The following HSF1 variants were observed in gnomAD, a reference collection of about 807,000 sequenced individuals.
The protein encoded by HSF1 is heat shock transcription factor 1.
A neutral mutation model predicts 51.7 loss-of-function variants in HSF1; 32 were observed. The observed-to-expected ratio is 0.62, with a 90% CI of 0.47 to 0.83. The LOEUF (loss-of-function observed/expected upper bound fraction) is 0.83, where lower values mean the gene tolerates loss of function less well. HSF1 is among the 40% of genes least tolerant of loss of function. The probability of loss-of-function intolerance (pLI) is 0.00; values close to 1 mark genes in which losing one functional copy is unlikely to be tolerated. For missense variants in HSF1, 727 were observed against 717.0 expected (o/e 1.01, Z -0.16); for synonymous variants, 396 against 309.7 (o/e 1.28, Z -2.92).
At chr8:144,312,691 G>T (rs781914440) in intron 9 of HSF1, 2 of 1,535,314 alleles carry the variant, frequency 1.3e-6, no homozygotes, top group African/African-American at 1.4e-5. Flanking sequence ...CTTCCTCTCC[G>T]CATGGCCAAG....
At chr8:144,298,343 TC>T (rs1253056372) in intron 1 of HSF1, among the ~76,000 whole-genome samples, 1 of 151,692 alleles carries the variant, frequency 6.6e-6, no homozygotes, top group African/African-American at 2.4e-5. Context: ...ACGGCTGTAA[TC>T]CCAGCACTTC....
chr8:144,313,713 C>G (rs1816934591), intron 10 of HSF1, 97 bp downstream of exon 10: 1 of 96,306 alleles, frequency 1.0e-5, no homozygotes, highest in Admixed American at 1.3e-4. Context: ...CGCCGCCGCC[C>G]CGCCTCCCCG....
chr8:144,300,579 C>T (rs1162609676), intron 1 of HSF1, among the ~76,000 whole-genome samples: 2 of 152,054 alleles, frequency 1.3e-5, no homozygotes, highest in African/African-American at 2.4e-5. Context: ...CAAAAACATA[C>T]GTAACCCCAG....
Position 144,311,177 on chromosome 8 carries a change from G to C in HSF1, c.492G>C (p.Glu164Asp). 1.9e-6 allele frequency: 3 copies of C among 1,601,864 alleles called. No homozygotes were observed. The highest frequency in any genetic ancestry group is 1.7e-6 in the Non-Finnish European group (2 of 1,174,666). ...MDSKLLAMKH[E>D]NEALWREVAS... ...GACCCAGCCTGGTCTGTTGCAGTGA[G>C]AATGAGGCTCTGTGGCGGGAGGTGG... The change falls in exon 5 of 13, where the codon GAG becomes GAC. Residue 164 changes from glutamate (E) to aspartate (D), a missense_variant. Glu to Asp is a conservative substitution (Grantham distance 45, BLOSUM62 2). Transcript: ENST00000528838.
At chr8:144,309,173 C>T (rs1816429264) in intron 2 of HSF1, 159 bp downstream of exon 2, 2 of 686,704 alleles carry the variant, frequency 2.9e-6, no homozygotes, top group African/African-American at 3.6e-5. Context: ...GCAGCCGCCT[C>T]TTCCATGGGG....
chr8:144,291,790 GC>G lies in HSF1; in HGVS notation c.36del (p.Ser13AlafsTer7). 6.5e-7 allele frequency: 1 copy of G among 1,542,956 alleles called. No homozygotes were observed. The highest frequency in any genetic ancestry group is 8.7e-7 in the Non-Finnish European group (1 of 1,149,810). On this transcript the variant is annotated frameshift_variant, in exon 1 of 13. Transcript: ENST00000528838. LOFTEE classifies it high-confidence loss of function. The surrounding 1 kb of genome is among the most constrained non-coding windows in gnomAD (Gnocchi z 4.1). Reference protein sequence around the residue: ...DLPVGPGAAGPSNVPAFLTKL... With the variant: ...DLPVGPGAAGXSNVPAFLTKL... ...TGCCCGTGGGCCCCGGCGCGGCGGG[GC>G]CCAGCAACGTCCCGGCCTTCCTGAC...
At chr8:144,313,359 C>T (rs1406112337) in intron 9 of HSF1, 152 bp from the exon 10 acceptor site, 38 of 593,322 alleles carry the variant, frequency 6.4e-5, no homozygotes, top group Middle Eastern at 6.3e-4. Context: ...CCTTCCAGGC[C>T]GTCCTCGAAT....
At chr8:144,307,923 C>T (rs1482794982) in intron 1 of HSF1, among the ~76,000 whole-genome samples, 1 of 152,220 alleles carries the variant, frequency 6.6e-6, no homozygotes, top group Non-Finnish European at 1.5e-5. Flanking sequence ...CGCTTTTCGC[C>T]GTCTCTCTCC....
At chr8:144,300,844 C>T (rs374324309) in intron 1 of HSF1, among the ~76,000 whole-genome samples, 8 of 151,716 alleles carry the variant, frequency 5.3e-5, no homozygotes, top group South Asian at 2.1e-4. Flanking sequence ...GTTCTTGAGA[C>T]AACTGTACCA....
Position 144,313,626 on chromosome 8 carries a change from GCCCCGCCGCCCCGCC to G in HSF1, c.1248+11_1248+25del. ...CAGTGCCCTGCTGGACGTGAGTGGA[GCCCCGCCGCCCCGCC>G]TCCCCGCCCCGCCTCCCCGCCGCGC... On this transcript the variant is annotated intron_variant, in intron 10 of 12. Transcript: ENST00000528838. 2.4e-6 allele frequency: 3 copies of G among 1,253,498 alleles called. No homozygotes were observed. Among genetic ancestry groups the G allele is most frequent in the Non-Finnish European group, 3.3e-6 (3 of 921,490 alleles). 77.6% of individuals were successfully genotyped at this position (1,253,498 alleles called of 1,614,324 possible).
rs567720429 is a variant in HSF1 at position 144,301,633 on chromosome 8, A to G, written c.118-7273A>G. Among the ~76,000 whole-genome samples the G allele has an allele frequency of 6.0e-3, 914 of 151,450 alleles. 6 individuals are homozygous for G. The highest frequency in any genetic ancestry group is 0.02 in the African/African-American group (825 of 41,278). ...TGTAATCCCAGCACTTTGGGAGGCC[A>G]AGGCGGGCGGATCACCAGGTCAGGA... On this transcript the variant is annotated intron_variant, in intron 1 of 12. Transcript: ENST00000528838.
At chr8:144,311,648 G>T (rs782312907) in intron 7 of HSF1, 47 bp downstream of exon 7, 4 of 1,611,694 alleles carry the variant, frequency 2.5e-6, no homozygotes, top group African/African-American at 1.3e-5. Context: ...AGGCGGCAGT[G>T]GGGTGGGTTG....
intron 3 of HSF1, 34 bp downstream of exon 3, chr8:144,309,625 A>G (rs781960585): frequency 6.2e-7 from 1 of 1,607,640 alleles, no homozygotes; most frequent in Non-Finnish European, 8.5e-7. Context: ...GCCCGGTCTC[A>G]CCTGCCACAG....
chr8:144,311,573 A>T lies in HSF1; in HGVS notation c.695A>T (p.Glu232Val). ...AAGTATAGCCGGCAGTTCTCCCTGG[A>T]GCACGTCCACGGCTCGGGCCCCTAC... ...MPKYSRQFSL[E>V]HVHGSGPYSA... is the part of the protein sequence containing the mutation. The change falls in exon 7 of 13, where the codon GAG (glutamate) becomes GTG (valine). Residue 232 changes from glutamate to valine, a missense_variant. By Grantham distance (121) the Glu-to-Val change is moderately radical. This residue lies in a region of HSF1 where 257 missense variants were observed against 318.3 expected (regional missense o/e 0.81). Transcript: ENST00000528838. 1 of 1,613,588 alleles carries T rather than the reference A, an allele frequency of 6.2e-7. No individual in the cohort carries two copies. Among genetic ancestry groups the T allele is most frequent in the Non-Finnish European group, 8.5e-7 (1 of 1,179,956 alleles).
intron 2 of HSF1, 56 bp downstream of exon 2, chr8:144,309,070 G>A (rs1816422686): frequency 7.5e-7 from 1 of 1,330,176 alleles, no homozygotes; most frequent in Non-Finnish European, 1.1e-6. Flanking sequence ...GCAGATGGCG[G>A]GACCCCAGCA....
At chr8:144,313,077 T>G in intron 9 of HSF1, 1 of 402,194 alleles carries the variant, frequency 2.5e-6, no homozygotes, top group South Asian at 2.8e-5. Flanking sequence ...AGGGCTTTCT[T>G]GGTCACAGCC....
At chr8:144,312,689 C>G (rs1564624286) in intron 9 of HSF1, 3 of 1,535,522 alleles carry the variant, frequency 2.0e-6, no homozygotes, top group South Asian at 1.2e-5. Context: ...CTCTTCCTCT[C>G]CGCATGGCCA....
chr8:144,298,476 G>A (rs908775719), intron 1 of HSF1, among the ~76,000 whole-genome samples: 37 of 151,130 alleles, frequency 2.4e-4, no homozygotes, highest in African/African-American at 6.6e-4. Flanking sequence ...GTGGTGGTGC[G>A]TGCCTGTAAT....
At chr8:144,296,917 G>A (rs573350191) in intron 1 of HSF1, among the ~76,000 whole-genome samples, 206 of 117,766 alleles carry the variant, frequency 1.7e-3, no homozygotes, top group Non-Finnish European at 3.3e-3. Context: ...CTCTGCCCCG[G>A]ATGGTGTGGT....
Sources: gnomAD v4.1 joint callset for allele counts (sites outside exome capture counted in the v4.1 genomes callset) on GRCh38, gnomAD v4.1.1 for gene constraint, gnomAD v4.1.1 regional missense constraint, Gnocchi (gnomAD v3.1) non-coding constraint, MANE v1.5 for transcripts, NCBI Gene and HGNC (gene_info 2026-07-23, HGNC 2026-07-21) for gene names.